The following NUCB2 variants were observed in gnomAD, a reference collection of about 807,000 sequenced individuals.
NUCB2 encodes the protein nucleobindin-2.
A neutral mutation model predicts 57.9 loss-of-function variants in NUCB2; 48 were observed. That is an observed-to-expected ratio of 0.83 (90% CI 0.66 to 1.05). The LOEUF is 1.05. NUCB2 is among the 50% of genes least tolerant of loss of function. The pLI is 0.00. For missense variants in NUCB2, 442 were observed against 476.2 expected (o/e 0.93, Z 0.67); for synonymous variants, 139 against 152.1 (o/e 0.91, Z 0.64).
chr11:17,337,652 T>A (rs999643293), intron 2 of NUCB2: 5 of 152,278 alleles, frequency 3.3e-5, no homozygotes, highest in East Asian at 1.9e-4. Context: ...TTATTTATTT[T>A]TTATTTTTGA....
intron 1 of NUCB2, among the ~76,000 whole-genome samples, chr11:17,279,668 CT>C (rs1942123622): frequency 6.6e-6 from 1 of 151,976 alleles, no homozygotes; most frequent in African/African-American, 2.4e-5. Context: ...TTAGGGAGGA[CT>C]ACTGTACCTC....
At position 17,330,453 on chromosome 11, in the gene NUCB2, A is replaced by G. The variant is rs1289056226; in HGVS notation, c.1173+156A>G. 6.6e-6 allele frequency among the ~76,000 whole-genome samples: 1 copy of G among 152,154 alleles called. No individual in the cohort carries two copies. Among genetic ancestry groups the G allele is most frequent in the African/African-American group, 2.4e-5 (1 of 41,442 alleles). On this transcript the variant is annotated intron_variant, in intron 12 of 13. Transcript: ENST00000529010. This position sits in a 1 kb window ranked among gnomAD's most constrained non-coding sequence, Gnocchi z 4.3. ...TAATACTTTAAAACTGTTTTGTGGA[A>G]TATTAATCTAAATTTTATTTTATTT...
chr11:17,326,610 C>T (rs1171287020), intron 11 of NUCB2, among the ~76,000 whole-genome samples: 2 of 152,178 alleles, frequency 1.3e-5, no homozygotes, highest in Admixed American at 1.3e-4. Context: ...TGAGCCACCG[C>T]ACCTGGCTGT....
At chr11:17,337,950 A>T (rs560414049) in intron 2 of NUCB2, among the ~76,000 whole-genome samples, 4 of 152,124 alleles carry the variant, frequency 2.6e-5, no homozygotes, top group African/African-American at 9.7e-5. Flanking sequence ...CTTGATTTTT[A>T]AAAAGACCTA....
At chr11:17,304,232 A>T (rs1565413669) in intron 5 of NUCB2, among the ~76,000 whole-genome samples, 1 of 151,500 alleles carries the variant, frequency 6.6e-6, no homozygotes, top group Non-Finnish European at 1.5e-5. Context: ...TCACTGAGTC[A>T]CCCATGCTAG....
intron 4 of NUCB2, among the ~76,000 whole-genome samples, chr11:17,301,408 A>C (rs1014021024): frequency 1.4e-4 from 21 of 148,792 alleles, no homozygotes; most frequent in Non-Finnish European, 1.0e-4. Context: ...CCTCCCAGGT[A>C]GCTAGGATTG....
intron 2 of NUCB2, among the ~76,000 whole-genome samples, chr11:17,290,463 C>T (rs1228008297): frequency 1.3e-5 from 2 of 151,978 alleles, no homozygotes; most frequent in Non-Finnish European, 2.9e-5. Context: ...AATCCCAGCA[C>T]TTTGGGAGGC....
At chr11:17,344,492 T>G (rs986547687) in intron 2 of NUCB2, among the ~76,000 whole-genome samples, 18 of 152,212 alleles carry the variant, frequency 1.2e-4, no homozygotes, top group African/African-American at 4.1e-4. Context: ...TTCCCACTAT[T>G]GTATTTCTAA....
chr11:17,303,260 T>C (rs1222441092), intron 5 of NUCB2, among the ~76,000 whole-genome samples: 1 of 152,184 alleles, frequency 6.6e-6, no homozygotes, highest in African/African-American at 2.4e-5. Flanking sequence ...TTCCAGAGCA[T>C]AGAAAAAGAA....
intron 2 of NUCB2, among the ~76,000 whole-genome samples, chr11:17,294,678 TAAAAAA>T (rs34406631): frequency 2.9e-5 from 3 of 102,650 alleles, no homozygotes; most frequent in Admixed American, 1.1e-4. Flanking sequence ...CGTGTTGCCT[TAAAAAA>T]AAAAAAAAAA....
chr11:17,349,166 C>T (rs1172593096), intron 2 of NUCB2, among the ~76,000 whole-genome samples: 1 of 152,212 alleles, frequency 6.6e-6, no homozygotes, highest in Non-Finnish European at 1.5e-5. Flanking sequence ...CTCACATACA[C>T]AGGTGTTAGC....
chr11:17,315,477 T>TAATA lies in NUCB2; in HGVS notation c.1002+3_1002+6dup, dbSNP rs1222646582. Reference sequence around the variant, plus strand: ...TTCTTGGAGCCAGATAGCTGGGAGGTAATAGAACCTACTCTAAATGAGATG... The same window carrying TAATA: ...TTCTTGGAGCCAGATAGCTGGGAGGTAATAAATAGAACCTACTCTAAATGAGATG... On this transcript the variant is annotated splice_region_variant and intron_variant, in intron 11 of 13. Transcript: ENST00000529010. The TAATA allele has an allele frequency of 6.3e-7, 1 of 1,577,158 alleles. No individual in the cohort carries two copies. The highest frequency in any genetic ancestry group is 1.1e-5 in the South Asian group (1 of 89,848).
intron 1 of NUCB2, among the ~76,000 whole-genome samples, chr11:17,281,550 T>G (rs1264559317): frequency 6.6e-6 from 1 of 152,224 alleles, no homozygotes; most frequent in African/African-American, 2.4e-5. Flanking sequence ...TGCACTGTGC[T>G]GGTTACTTTG....
chr11:17,315,270 G>C, intron 10 of NUCB2, 116 bp from the exon 11 acceptor site: 1 of 494,168 alleles, frequency 2.0e-6, no homozygotes, highest in East Asian at 3.2e-5. Flanking sequence ...TGGAAGTTAA[G>C]TGAGTCCTAA....
intron 1 of NUCB2, among the ~76,000 whole-genome samples, chr11:17,281,620 T>C (rs1439477932): frequency 6.6e-5 from 10 of 151,984 alleles, no homozygotes; most frequent in African/African-American, 2.4e-4. Context: ...CTCAGTTTTC[T>C]AGGTAGGAAA....
chr11:17,303,549 T>G (rs1947114895), intron 5 of NUCB2, among the ~76,000 whole-genome samples: 1 of 152,190 alleles, frequency 6.6e-6, no homozygotes, highest in South Asian at 2.1e-4. Flanking sequence ...TATGAGAAGA[T>G]TAAATAGCTA....
chr11:17,301,286 T>G (rs930797583), intron 4 of NUCB2, among the ~76,000 whole-genome samples: 1 of 131,910 alleles, frequency 7.6e-6, no homozygotes, highest in South Asian at 2.5e-4. Flanking sequence ...TTTTTTTTTT[T>G]TTTTTTTTTG....
At chr11:17,293,834 G>A (rs926967238) in intron 2 of NUCB2, among the ~76,000 whole-genome samples, 1 of 151,388 alleles carries the variant, frequency 6.6e-6, no homozygotes, top group Non-Finnish European at 1.5e-5. Context: ...GAAATGCCCA[G>A]AATAGGCAAA....
intron 6 of NUCB2, among the ~76,000 whole-genome samples, 181 bp from the exon 7 acceptor site, chr11:17,310,644 C>CAAA (rs71313427): frequency 1.0e-4 from 15 of 147,198 alleles, no homozygotes; most frequent in Non-Finnish European, 1.8e-4. Flanking sequence ...AACTCCGTCT[C>CAAA]AAAAAAAAAG....
Sources: allele counts gnomAD v4.1 joint callset (sites outside exome capture counted in the v4.1 genomes callset), GRCh38; gene constraint gnomAD v4.1.1; non-coding constraint Gnocchi (gnomAD v3.1); transcripts MANE v1.5; gene names NCBI Gene and HGNC (gene_info 2026-07-23, HGNC 2026-07-21).